PXDN: variants seen among roughly 807,000 people sequenced by gnomAD.
PXDN encodes the protein peroxidasin.
A neutral mutation model predicts 140.3 loss-of-function variants in PXDN; 77 were observed. The observed-to-expected ratio is 0.55, with a 90% CI of 0.46 to 0.66. PXDN has a LOEUF of 0.66. PXDN is among the 30% of genes least tolerant of loss of function. PXDN has a pLI of 0.00. For synonymous variants in PXDN, 911 were observed against 857.4 expected, an observed-to-expected ratio of 1.06 and a Z score of -1.09; for missense variants, 1,838 against 2,039.5, an observed-to-expected ratio of 0.90 and a Z score of 1.90.
chr2:1,744,344 T>A lies in PXDN; in HGVS notation c.112A>T (p.Ser38Cys). ...GTGGTGCGGAAGCACAGGCAGCGGC[T>A]CGGACACCCTGCGCCCGGCTTCTGG... Reference protein sequence around the residue: ...VAQKPGAGCPSRCLCFRTTVR... With the variant: ...VAQKPGAGCPCRCLCFRTTVR... The change falls in exon 1 of 23, where the codon AGC becomes TGC. Residue 38 changes from serine to cysteine, a missense_variant. By Grantham distance (112) the Ser-to-Cys change is moderately radical. Transcript: ENST00000252804. 1 of 1,527,634 alleles carries A rather than the reference T, an allele frequency of 6.5e-7. No homozygotes were observed. The highest frequency in any genetic ancestry group is 8.7e-7 in the Non-Finnish European group (1 of 1,143,704). The allele number at this position is 1,527,634 out of a possible 1,614,324, so 94.6% of individuals were successfully genotyped here.
At chr2:1,641,076 C>G (rs917109240) in intron 19 of PXDN, among the ~76,000 whole-genome samples, 2 of 152,272 alleles carry the variant, frequency 1.3e-5, no homozygotes, top group African/African-American at 4.8e-5. Flanking sequence ...AGACCCCACA[C>G]AGCACTTGTT....
At chr2:1,647,899 C>T (rs1177389480) in intron 17 of PXDN, among the ~76,000 whole-genome samples, 1 of 152,148 alleles carries the variant, frequency 6.6e-6, no homozygotes, top group Non-Finnish European at 1.5e-5. Context: ...TGAAAATGTG[C>T]CACAGCTCAG....
intron 7 of PXDN, among the ~76,000 whole-genome samples, 174 bp downstream of exon 7, chr2:1,680,019 A>G (rs112734576): frequency 2.5e-3 from 215 of 87,696 alleles, no homozygotes; most frequent in Middle Eastern, 0.013. Flanking sequence ...TGGATGGTGT[A>G]TGCGTGTATG....
At chr2:1,637,053 C>G (rs1682577845) in intron 21 of PXDN, 1 of 152,264 alleles carries the variant, frequency 6.6e-6, no homozygotes, top group East Asian at 1.9e-4. Flanking sequence ...GGAAGGAAGT[C>G]CAGCATTGTG....
At chr2:1,708,321 G>T (rs908904943) in intron 1 of PXDN, among the ~76,000 whole-genome samples, 4 of 152,216 alleles carry the variant, frequency 2.6e-5, no homozygotes, top group Admixed American at 6.5e-5. Context: ...ATTTAAAAGA[G>T]GTTCGCCCTT....
chr2:1,634,899 C>T (rs867491496), intron 22 of PXDN, among the ~76,000 whole-genome samples: 1 of 152,052 alleles, frequency 6.6e-6, no homozygotes, highest in Non-Finnish European at 1.5e-5. Context: ...TCCAGCCAGA[C>T]GTCTGTCCAT....
intron 4 of PXDN, 85 bp from the exon 5 acceptor site, chr2:1,684,236 T>C: frequency 8.8e-7 from 1 of 1,132,428 alleles, no homozygotes; most frequent in East Asian, 2.6e-5. Flanking sequence ...TTCCTAGTCA[T>C]TTCAAATTCA....
At chr2:1,640,133 G>A (rs1023145313) in intron 19 of PXDN, among the ~76,000 whole-genome samples, 1 of 149,438 alleles carries the variant, frequency 6.7e-6, no homozygotes, top group African/African-American at 2.5e-5. Context: ...GTCCCCGGGT[G>A]AGTGAGGGGC....
intron 3 of PXDN, among the ~76,000 whole-genome samples, chr2:1,689,499 T>C (rs1684139011): frequency 6.6e-6 from 1 of 152,172 alleles, no homozygotes; most frequent in Non-Finnish European, 1.5e-5. Flanking sequence ...TAGGTGAGTA[T>C]TGGCTGGCCG....
chr2:1,732,704 TCAC>T (rs1214741258), intron 1 of PXDN, among the ~76,000 whole-genome samples: 6 of 152,182 alleles, frequency 3.9e-5, no homozygotes, highest in Non-Finnish European at 7.3e-5. Flanking sequence ...TATCCAGTGC[TCAC>T]CAAAGTGAAA....
At chr2:1,698,617 T>C (rs1684350042) in intron 1 of PXDN, among the ~76,000 whole-genome samples, 1 of 147,644 alleles carries the variant, frequency 6.8e-6, no homozygotes, top group Non-Finnish European at 1.5e-5. Flanking sequence ...GAACTAGAAA[T>C]GCAATTAGAG....
chr2:1,686,187 G>A (rs1004201711), intron 4 of PXDN, among the ~76,000 whole-genome samples: 12 of 152,216 alleles, frequency 7.9e-5, no homozygotes, highest in East Asian at 5.8e-4. Context: ...TGGTGGACTC[G>A]CTTATCCCCT....
intron 12 of PXDN, 134 bp from the exon 13 acceptor site, chr2:1,662,318 C>G (rs930512646): frequency 1.3e-6 from 1 of 760,154 alleles, no homozygotes; most frequent in East Asian, 2.7e-5. Flanking sequence ...AGAATGGGCC[C>G]TTTCTCTGCC....
chr2:1,694,512 C>A (rs1413508501), intron 1 of PXDN, among the ~76,000 whole-genome samples: 4 of 152,114 alleles, frequency 2.6e-5, no homozygotes, highest in Admixed American at 2.6e-4. Flanking sequence ...AGGCGGCCCC[C>A]CTCTGCCCAC....
chr2:1,666,257 G>T lies in PXDN; in HGVS notation c.1248C>A (p.Asn416Lys). The T allele has an allele frequency of 6.2e-7, 1 of 1,614,060 alleles. No individual in the cohort carries two copies. Among genetic ancestry groups the T allele is most frequent in the Non-Finnish European group, 8.5e-7 (1 of 1,179,894 alleles). The change falls in exon 10 of 23, where the codon AAC becomes AAA. Residue 416 changes from asparagine to lysine, a missense_variant. Asn to Lys is a moderately conservative substitution (Grantham distance 94). Transcript: ENST00000252804. ...CGGTGGCATGGACGCTGTCAATGTT[G>T]TTGGTCGCAGAGCACGCATACTCTC... Reference protein sequence around the residue: ...DSGEYACSATNNIDSVHATAF... With the variant: ...DSGEYACSATKNIDSVHATAF...
At chr2:1,683,523 T>C (rs536422821) in intron 6 of PXDN, 133 bp downstream of exon 6, 2 of 831,658 alleles carry the variant, frequency 2.4e-6, no homozygotes, top group South Asian at 4.0e-5. Flanking sequence ...CAATCCACCC[T>C]CCATATATTC....
At chr2:1,730,661 T>G (rs1291340441) in intron 1 of PXDN, among the ~76,000 whole-genome samples, 3 of 152,126 alleles carry the variant, frequency 2.0e-5, no homozygotes, top group Admixed American at 6.5e-5. Flanking sequence ...AAGCCAATGA[T>G]CCAGGCTGAG....
intron 18 of PXDN, 123 bp downstream of exon 18, chr2:1,644,495 G>A: frequency 8.7e-7 from 1 of 1,151,674 alleles, no homozygotes. Flanking sequence ...TCTCAACCGG[G>A]GACACACAGA....
chr2:1,680,842 CA>C (rs1683883156), intron 6 of PXDN, among the ~76,000 whole-genome samples: 1 of 152,182 alleles, frequency 6.6e-6, no homozygotes, highest in Non-Finnish European at 1.5e-5. Flanking sequence ...TGAGGCTTCC[CA>C]GGCAGTGTGG....
Sources: allele counts gnomAD v4.1 joint callset (sites outside exome capture counted in the v4.1 genomes callset), GRCh38; gene constraint gnomAD v4.1.1; transcripts MANE v1.5; gene names NCBI Gene and HGNC (gene_info 2026-07-23, HGNC 2026-07-21).